Variants in DNAH9 observed in about 807,000 individuals in gnomAD.
The protein encoded by DNAH9 is dynein axonemal heavy chain 9, also known as DNAH9 variant protein.
A neutral mutation model predicts 471.6 loss-of-function variants in DNAH9; 345 were observed. The observed-to-expected ratio is 0.73, with a 90% CI of 0.67 to 0.80. The LOEUF (loss-of-function observed/expected upper bound fraction) is 0.80, where lower values mean the gene tolerates loss of function less well. Among genes scored for constraint, DNAH9 ranks in the 30% least tolerant of loss-of-function variants. The pLI, the probability that DNAH9 is intolerant of heterozygous loss-of-function variation, is 0.00. For missense variants in DNAH9, 5,407 were observed against 5,609.2 expected (o/e 0.96, Z 1.15); for synonymous variants, 2,093 against 2,123.6 (o/e 0.99, Z 0.40).
At chr17:11,724,548 A>G (rs2075119781) in intron 27 of DNAH9, among the ~76,000 whole-genome samples, 1 of 152,202 alleles carries the variant, frequency 6.6e-6, no homozygotes, top group Non-Finnish European at 1.5e-5. Context: ...CTTTGTGTGT[A>G]TATACTACAT....
At chr17:11,855,760 G>GT (rs1567851645) in intron 50 of DNAH9, among the ~76,000 whole-genome samples, 1 of 152,106 alleles carries the variant, frequency 6.6e-6, no homozygotes, top group Non-Finnish European at 1.5e-5. Flanking sequence ...TATTAACAAA[G>GT]TAACAGGTAG....
At chr17:11,920,131 G>T (rs1259721286) in intron 61 of DNAH9, among the ~76,000 whole-genome samples, 2 of 151,042 alleles carry the variant, frequency 1.3e-5, no homozygotes, top group African/African-American at 2.4e-5. Flanking sequence ...CTGCCTCCCA[G>T]GTTCAAGCGA....
intron 55 of DNAH9, among the ~76,000 whole-genome samples, chr17:11,882,116 G>A (rs565927374): frequency 6.6e-6 from 1 of 152,256 alleles, no homozygotes; most frequent in South Asian, 2.1e-4. Flanking sequence ...CCATAGACGG[G>A]GTGGCTTAAA....
At chr17:11,887,723 C>T (rs1972920498) in intron 57 of DNAH9, among the ~76,000 whole-genome samples, 1 of 139,220 alleles carries the variant, frequency 7.2e-6, no homozygotes, top group African/African-American at 2.6e-5. Flanking sequence ...ATGGAGATTT[C>T]ACATACACAC....
intron 2 of DNAH9, 53 bp from the exon 3 acceptor site, chr17:11,610,343 C>CT (rs1299477840): frequency 6.7e-7 from 1 of 1,491,018 alleles, no homozygotes; most frequent in Non-Finnish European, 9.3e-7. Flanking sequence ...TATTTTCACG[C>CT]CTCAGGGTTT....
chr17:11,904,239 CAGT>C (rs1973510091), intron 60 of DNAH9, among the ~76,000 whole-genome samples: 2 of 152,020 alleles, frequency 1.3e-5, no homozygotes, highest in African/African-American at 4.8e-5. Context: ...GAGAAAAAGA[CAGT>C]GAAAGAGGAG....
rs191798648 is a variant in DNAH9, at chr17:11,654,753, A to G, written c.2595+1751A>G. 1.2e-4 allele frequency among the ~76,000 whole-genome samples: 19 copies of G among 152,114 alleles called. 1 individual carries two copies. The highest frequency in any genetic ancestry group is 7.2e-4 in the Admixed American group (11 of 15,260). ...CCAGGCACTGTCCTAAGCATTGTCC[A>G]TTTCATGTAATTCTCATGAAAATCA... On this transcript the variant is annotated intron_variant, in intron 14 of 68. Coordinates refer to ENST00000262442, the MANE Select transcript of DNAH9 (RefSeq NM_001372.4).
intron 59 of DNAH9, among the ~76,000 whole-genome samples, chr17:11,899,443 C>A (rs1973332026): frequency 6.6e-6 from 1 of 152,108 alleles, no homozygotes; most frequent in Non-Finnish European, 1.5e-5. Flanking sequence ...AGTCTGGTTG[C>A]CAATTTAGCT....
intron 4 of DNAH9, chr17:11,612,242 T>C: frequency 3.7e-6 from 1 of 269,988 alleles, no homozygotes; most frequent in Non-Finnish European, 7.2e-6. Context: ...TCTGTCCTAA[T>C]CAAGGACTAC....
chr17:11,783,594 C>T (rs981528167), intron 39 of DNAH9, 52 bp from the exon 40 acceptor site: 3 of 1,443,114 alleles, frequency 2.1e-6, no homozygotes, highest in Non-Finnish European at 2.9e-6. Flanking sequence ...ACAAAGCACT[C>T]ACCTGCCTCA....
At chr17:11,797,151 A>C (rs1175501955) in intron 42 of DNAH9, among the ~76,000 whole-genome samples, 1 of 152,198 alleles carries the variant, frequency 6.6e-6, no homozygotes, top group African/African-American at 2.4e-5. Context: ...GTGTAATCTC[A>C]CAGGAAAAGA....
chr17:11,774,757 G>A (rs11871363), intron 38 of DNAH9, among the ~76,000 whole-genome samples: 21,670 of 151,752 alleles, frequency 0.14, 2,992 homozygotes, highest in African/African-American at 0.36. Flanking sequence ...ATATATTTTC[G>A]CTGCTGCATA....
chr17:11,685,882 G>A (rs2074235039), intron 19 of DNAH9, among the ~76,000 whole-genome samples: 1 of 146,118 alleles, frequency 6.8e-6, no homozygotes, highest in South Asian at 2.2e-4. Context: ...TCAGCTCACT[G>A]CAATCTCCGT....
chr17:11,696,303 A>T (rs2074475551), intron 22 of DNAH9, among the ~76,000 whole-genome samples: 1 of 152,198 alleles, frequency 6.6e-6, no homozygotes, highest in African/African-American at 2.4e-5. Context: ...ATATCAAGTC[A>T]AAGATATCTC....
chr17:11,873,129 TAAAC>T (rs1188867725), intron 52 of DNAH9, among the ~76,000 whole-genome samples: 1 of 152,118 alleles, frequency 6.6e-6, no homozygotes, highest in Non-Finnish European at 1.5e-5. Flanking sequence ...TGCTAGCAAA[TAAAC>T]AAAAAATAAA....
intron 45 of DNAH9, among the ~76,000 whole-genome samples, chr17:11,816,076 A>G (rs1056611721): frequency 6.6e-6 from 1 of 152,066 alleles, no homozygotes; most frequent in African/African-American, 2.4e-5. Context: ...TTCCCTCTCT[A>G]GAAAATCTAG....
At position 11,738,904 on chromosome 17, in the gene DNAH9, A is replaced by G; in HGVS notation, c.5839A>G (p.Arg1947Gly). 3 of 1,613,918 alleles carry G rather than the reference A, an allele frequency of 1.9e-6. No homozygotes were observed. The highest frequency in any genetic ancestry group is 2.5e-6 in the Non-Finnish European group (3 of 1,179,792). ...VQVKSIQDAI[R>G]DKKQWFSFLG... is the part of the protein sequence containing the mutation. ...GGTAAAAAGCATTCAAGATGCGATTAGAGATAAGAAGCAGTGGTTCAGCTT... is the reference window on the plus strand; with the variant it reads ...GGTAAAAAGCATTCAAGATGCGATTGGAGATAAGAAGCAGTGGTTCAGCTT... Residue 1947 changes from arginine to glycine, a missense_variant, in exon 29 of 69, where the codon AGA becomes GGA. Physicochemically the swap from Arg to Gly is moderately radical, Grantham distance 125. Around this residue, in one of 3 missense-constraint regions of DNAH9, gnomAD observed 4,636 missense variants for 4,900.3 expected, o/e 0.95. Coordinates refer to ENST00000262442, the MANE Select transcript of DNAH9 (RefSeq NM_001372.4).
chr17:11,728,823 T>A (rs2075204592), intron 28 of DNAH9, among the ~76,000 whole-genome samples: 2 of 152,160 alleles, frequency 1.3e-5, no homozygotes, highest in South Asian at 4.1e-4. Flanking sequence ...TACAAGCCAC[T>A]ATTCTCCCCA....
chr17:11,638,258 G>A (rs968406844), intron 9 of DNAH9, among the ~76,000 whole-genome samples: 2 of 152,202 alleles, frequency 1.3e-5, no homozygotes, highest in African/African-American at 4.8e-5. Context: ...CAAGCTTTAT[G>A]TGGGATTATC....
Sources: allele counts gnomAD v4.1 joint callset (sites outside exome capture counted in the v4.1 genomes callset), GRCh38; gene constraint gnomAD v4.1.1; regional missense constraint gnomAD v4.1.1; transcripts MANE v1.5; gene names NCBI Gene and HGNC (gene_info 2026-07-23, HGNC 2026-07-21).